The following CFAP97 variants were observed in gnomAD, a reference collection of about 807,000 sequenced individuals.
CFAP97 encodes the protein cilia and flagella associated protein 97, also known as cilia- and flagella-associated protein 97.
A neutral mutation model predicts 43.1 loss-of-function variants in CFAP97; 36 were observed. The observed-to-expected ratio is 0.84, with a 90% CI of 0.64 to 1.10. The LOEUF (loss-of-function observed/expected upper bound fraction) is 1.10. Among genes scored for constraint, CFAP97 ranks in the 50% least tolerant of loss-of-function variants. The probability of loss-of-function intolerance (pLI) is 0.00; values close to 1 mark genes in which losing one functional copy is unlikely to be tolerated. For missense variants in CFAP97, 657 were observed against 620.3 expected (o/e 1.06, Z -0.63); for synonymous variants, 228 against 225.7 (o/e 1.01, Z -0.09).
intron 3 of CFAP97, among the ~76,000 whole-genome samples, chr4:185,164,515 A>G (rs1431462838): frequency 6.6e-6 from 1 of 152,224 alleles, no homozygotes; most frequent in Admixed American, 6.5e-5. Context: ...CCACTGTGAT[A>G]TAACAATTCA....
At position 185,176,040 on chromosome 4, in the gene CFAP97, A is replaced by C. The variant is rs1175322675; in HGVS notation, c.1066T>G (p.Leu356Val). 6.3e-7 allele frequency: 1 copy of C among 1,589,846 alleles called. No homozygotes were observed. Among genetic ancestry groups the C allele is most frequent in the Non-Finnish European group, 8.5e-7 (1 of 1,170,670 alleles). Residue 356 changes from leucine (L) to valine (V), a missense_variant, in exon 3 of 5, where the codon TTA becomes GTA. Coordinates refer to ENST00000458385, the MANE Select transcript of CFAP97 (RefSeq NM_020827.3). ...LNHLLKAFLQ[L>V]DKKGPQKHHF... The stretch of plus-strand genomic sequence containing the variant: ...TGTTTTTGTGGTCCTTTTTTATCTA[A>C]TTGCAGAAAAGCTACAGAAAAGAAC...
chr4:185,205,623 G>A (rs2111445873), upstream of CFAP97, among the ~76,000 whole-genome samples: 1 of 152,304 alleles, frequency 6.6e-6, no homozygotes, highest in South Asian at 2.1e-4. Flanking sequence ...GAGGTCAGGA[G>A]TTCCAGACCA....
intron 2 of CFAP97, among the ~76,000 whole-genome samples, chr4:185,178,240 CTTTTTTTT>C (rs562452947): frequency 3.1e-5 from 2 of 64,236 alleles, no homozygotes; most frequent in African/African-American, 5.6e-5. Flanking sequence ...CGGTTTTTGT[CTTTTTTTT>C]TTTTTTTTTT....
chr4:185,207,065 G>A (rs1737218253), upstream of CFAP97, among the ~76,000 whole-genome samples: 1 of 152,104 alleles, frequency 6.6e-6, no homozygotes, highest in African/African-American at 2.4e-5. Flanking sequence ...TGATTGGACG[G>A]TTGCCCACAT....
At chr4:185,190,073 C>G in intron 2 of CFAP97, 70 bp downstream of exon 2, 1 of 1,229,596 alleles carries the variant, frequency 8.1e-7, no homozygotes, top group Non-Finnish European at 1.1e-6. Flanking sequence ...AATGCAAATT[C>G]ATAGCATTTA....
chr4:185,184,025 T>TAA (rs1297852920), intron 2 of CFAP97, among the ~76,000 whole-genome samples: 1 of 152,194 alleles, frequency 6.6e-6, no homozygotes, highest in Non-Finnish European at 1.5e-5. Context: ...TATATCTAAT[T>TAA]AAGTTTCAGA....
At chr4:185,174,217 G>T (rs777024278) in intron 3 of CFAP97, among the ~76,000 whole-genome samples, 3 of 151,206 alleles carry the variant, frequency 2.0e-5, no homozygotes, top group Admixed American at 6.6e-5. Context: ...AGAGCCAGGT[G>T]TGAGAGTGAA....
chr4:185,160,941 T>C lies in CFAP97; in HGVS notation c.*1857A>G, dbSNP rs1290716954. The C allele has an allele frequency of 6.8e-6, 1 of 148,046 alleles. No individual in the cohort carries two copies. Among genetic ancestry groups the C allele is most frequent in the African/African-American group, 2.4e-5 (1 of 40,940 alleles). The allele number at this position is 148,046 out of a possible 1,614,324, so 9.2% of individuals were successfully genotyped here. ...AGATTATATATATAAAACATATATA[T>C]ATATTTTTTTCTGGAACAACTTAAA... On this transcript the variant is annotated 3_prime_UTR_variant, in exon 5 of 5. Coordinates refer to ENST00000458385, the MANE Select transcript of CFAP97 (RefSeq NM_020827.3).
At chr4:185,206,600 A>G (rs3108241), upstream of CFAP97, among the ~76,000 whole-genome samples, 92,556 of 148,102 alleles carry the variant, frequency 0.62, 29,138 homozygotes, top group Non-Finnish European at 0.68. Context: ...CGGAGGTTGC[A>G]GTGAGCCGAG....
chr4:185,164,050 G>T lies in CFAP97; in HGVS notation c.1450C>A (p.Leu484Ile), dbSNP rs1579225010. ...SPLSRRARST[L>I]GQYSPLRASR... ...TTACTTAATGGGCTATATTGGCCAA[G>T]AGTGGATCTGGCCCGTCTTGACAAT... Residue 484 changes from leucine to isoleucine, a missense_variant, in exon 4 of 5, where the codon CTT (leucine) becomes ATT (isoleucine). Transcript: ENST00000458385. 2 of 1,613,908 alleles carry T rather than the reference G, an allele frequency of 1.2e-6. No individual in the cohort carries two copies. The highest frequency in any genetic ancestry group is 1.6e-4 in the Middle Eastern group (1 of 6,062).
intron 2 of CFAP97, among the ~76,000 whole-genome samples, chr4:185,178,002 C>T (rs911838845): frequency 1.3e-5 from 2 of 151,906 alleles, no homozygotes; most frequent in African/African-American, 4.8e-5. Context: ...ACAGTGGCTT[C>T]CTGGTAGGAA....
chr4:185,167,555 G>A (rs537478674), intron 3 of CFAP97, among the ~76,000 whole-genome samples: 1 of 152,260 alleles, frequency 6.6e-6, no homozygotes, highest in African/African-American at 2.4e-5. Flanking sequence ...AAAGATTTGG[G>A]CTTAACACTT....
rs920314211 is a variant in CFAP97 at position 185,190,743 on chromosome 4, C to T, written c.454G>A (p.Ala152Thr). The change falls in exon 2 of 5, where the codon GCT (alanine) becomes ACT (threonine). Residue 152 changes from alanine to threonine, a missense_variant. Physicochemically the swap from Ala to Thr is moderately conservative, Grantham distance 58. Coordinates refer to ENST00000458385, the MANE Select transcript of CFAP97 (RefSeq NM_020827.3). ...GKKYHVKSKSAKPSTNVKKSI... is the reference protein window; with the variant it reads ...GKKYHVKSKSTKPSTNVKKSI... ...TTTTTAACGTTAGTAGATGGTTTAG[C>T]GGACTTGGACTTCACATGGTATTTC... 3.8e-6 allele frequency: 6 copies of T among 1,586,566 alleles called. No homozygotes were observed. Among genetic ancestry groups the T allele is most frequent in the Non-Finnish European group, 5.2e-6 (6 of 1,164,732 alleles).
At chr4:185,182,173 C>T (rs1735816985) in intron 2 of CFAP97, 1 of 151,936 alleles carries the variant, frequency 6.6e-6, no homozygotes, top group Admixed American at 6.6e-5. Flanking sequence ...AAATATGAAA[C>T]ATACCTTTAA....
At chr4:185,187,309 C>T (rs1736042719) in intron 2 of CFAP97, among the ~76,000 whole-genome samples, 2 of 152,130 alleles carry the variant, frequency 1.3e-5, no homozygotes, top group South Asian at 4.2e-4. Flanking sequence ...CTGACAGTCC[C>T]TTCAGTCTAC....
chr4:185,167,287 C>T (rs540938295), intron 3 of CFAP97, among the ~76,000 whole-genome samples: 1 of 151,938 alleles, frequency 6.6e-6, no homozygotes, highest in South Asian at 2.1e-4. Flanking sequence ...GGCAACATGG[C>T]GAGACCCCGT....
At chr4:185,207,960 A>G (rs1406102827), upstream of CFAP97, among the ~76,000 whole-genome samples, 4 of 152,238 alleles carry the variant, frequency 2.6e-5, no homozygotes, top group Admixed American at 6.5e-5. Context: ...CAAAAAACAT[A>G]GATTTGGTTG....
chr4:185,208,367 T>A (rs1358597650), upstream of CFAP97, among the ~76,000 whole-genome samples: 1 of 152,090 alleles, frequency 6.6e-6, no homozygotes, highest in Non-Finnish European at 1.5e-5. Flanking sequence ...ATTTTGATCA[T>A]CCCCTTGGCA....
chr4:185,197,102 TAAAAA>T (rs60986571), intron 1 of CFAP97, among the ~76,000 whole-genome samples: 1 of 86,800 alleles, frequency 1.2e-5, no homozygotes, highest in East Asian at 3.6e-4. Context: ...CCCTCTTAAT[TAAAAA>T]AAAAAAAAAA....
Sources: allele counts gnomAD v4.1 joint callset (sites outside exome capture counted in the v4.1 genomes callset), GRCh38; gene constraint gnomAD v4.1.1; transcripts MANE v1.5; gene names NCBI Gene and HGNC (gene_info 2026-07-23, HGNC 2026-07-21).